Variants in XRCC1 observed in about 807,000 individuals in gnomAD.
XRCC1 encodes X-ray repair cross complementing 1, also known as DNA repair protein XRCC1.
XRCC1 carries 52 observed loss-of-function variants against 83.3 expected under a neutral mutation model. The ratio of observed to expected loss-of-function variants is 0.62; its 90% CI spans 0.50 to 0.79. The LOEUF is 0.79. Ranked by LOEUF, XRCC1 falls within the 30% of genes least tolerant of loss-of-function variation. XRCC1 has a pLI of 0.00. For synonymous variants in XRCC1, 281 were observed against 312.6 expected, an observed-to-expected ratio of 0.90 and a Z score of 1.07; for missense variants, 793 against 823.5, an observed-to-expected ratio of 0.96 and a Z score of 0.45.
intron 10 of XRCC1, among the ~76,000 whole-genome samples, chr19:43,548,098 G>A (rs1219863440): frequency 2.1e-5 from 3 of 142,432 alleles, no homozygotes; most frequent in East Asian, 2.1e-4. Flanking sequence ...CGCCCCATCC[G>A]GGAGGGAGGT....
At chr19:43,549,849 TTTG>T (rs1473888639) in intron 10 of XRCC1, among the ~76,000 whole-genome samples, 3 of 152,190 alleles carry the variant, frequency 2.0e-5, no homozygotes, top group Admixed American at 6.5e-5. Flanking sequence ...GTGAATTCTT[TTTG>T]TTAAGACCAG....
intron 2 of XRCC1, among the ~76,000 whole-genome samples, chr19:43,561,773 G>A (rs929390890): frequency 2.6e-5 from 4 of 152,206 alleles, no homozygotes; most frequent in East Asian, 1.9e-4. Context: ...CGGGCCATGC[G>A]GGCACGGGAG....
In XRCC1 at chr19:43,553,631, T is replaced by A. The variant is rs1303525307; in HGVS notation, c.467A>T (p.Asp156Val). Reference sequence around the variant, plus strand: ...TACCTGGGACGGGGCCTCTGCCTCATCTTTGTCTGGGGGGCTATGAAACCG... The same window carrying A: ...TACCTGGGACGGGGCCTCTGCCTCAACTTTGTCTGGGGGGCTATGAAACCG... ...FVRFHSPPDK[D>V]EAEAPSQKVT... Residue 156 changes from aspartate to valine, a missense_variant, in exon 5 of 17, where the codon GAT becomes GTT. Physicochemically the swap from Asp to Val is radical, Grantham distance 152 (BLOSUM62 -3). Transcript: ENST00000262887. 1 of 1,557,704 alleles carries A rather than the reference T, an allele frequency of 6.4e-7. No homozygotes were observed. Among genetic ancestry groups the A allele is most frequent in the African/African-American group, 1.4e-5 (1 of 72,780 alleles).
At chr19:43,568,497 A>C (rs902075224) in intron 2 of XRCC1, among the ~76,000 whole-genome samples, 47 of 152,046 alleles carry the variant, frequency 3.1e-4, no homozygotes, top group Admixed American at 3.1e-3. Flanking sequence ...ATTCTGTCTC[A>C]AAGTAAGTAA....
rs1480582756 is a variant in XRCC1 at position 43,543,331 on chromosome 19, T to A, written c.*61A>T. 6 of 1,471,870 alleles carry A rather than the reference T, an allele frequency of 4.1e-6. No homozygotes were observed. The highest frequency in any genetic ancestry group is 5.6e-6 in the Non-Finnish European group (6 of 1,071,508). 91.2% of individuals were successfully genotyped at this position (1,471,870 alleles called of 1,614,324 possible). A position where few individuals can be genotyped will look rare whatever the true frequency, so the allele number is the denominator to read the frequency against. On this transcript the variant is annotated 3_prime_UTR_variant, in exon 17 of 17. Transcript: ENST00000262887. Reference sequence around the variant, plus strand: ...TTGGATGAGAACCAACTCATCTTTATTAAATGCATCGTGTGTGTGTGTGTG... The same window carrying A: ...TTGGATGAGAACCAACTCATCTTTAATAAATGCATCGTGTGTGTGTGTGTG...
chr19:43,558,678 A>G (rs1172579528), intron 3 of XRCC1, among the ~76,000 whole-genome samples: 2 of 151,866 alleles, frequency 1.3e-5, no homozygotes, highest in East Asian at 3.9e-4. Context: ...ATAAATAAAT[A>G]ATATGGTTAA....
chr19:43,546,806 T>A (rs749928006), intron 11 of XRCC1, 78 bp downstream of exon 11: 2 of 1,592,736 alleles, frequency 1.3e-6, no homozygotes, highest in African/African-American at 2.7e-5. Context: ...GAGGCAAGAG[T>A]GGGAAGTTTG....
chr19:43,575,189 G>A (rs1049149860), intron 1 of XRCC1, among the ~76,000 whole-genome samples, 187 bp from the exon 2 acceptor site: 1 of 152,100 alleles, frequency 6.6e-6, no homozygotes, highest in African/African-American at 2.4e-5. Context: ...TCACCTATGG[G>A]CTCTCCAAGA....
At chr19:43,546,237 G>A in intron 12 of XRCC1, 131 bp from the exon 13 acceptor site, 8 of 1,009,396 alleles carry the variant, frequency 7.9e-6, no homozygotes, top group Non-Finnish European at 7.5e-6. Context: ...AGTCGTCTGG[G>A]CCCCCAGCCC....
chr19:43,552,885 C>T lies in XRCC1; in HGVS notation c.735G>A (p.Lys245=). Residue 245 remains lysine (K), a synonymous_variant, in exon 8 of 17, where the codon AAG becomes AAA. Transcript: ENST00000262887. Reference sequence around the variant, plus strand: ...CTTCTTGGTTCAAATCCAACTTCCTCTTCCCTTTGGGAGACTCCTGGGGCT... The same window carrying T: ...CTTCTTGGTTCAAATCCAACTTCCTTTTCCCTTTGGGAGACTCCTGGGGCT... ...TSKPQESPKG[K]RKLDLNQEEK... 2 of 1,613,608 alleles carry T rather than the reference C, an allele frequency of 1.2e-6. No homozygotes were observed. Among genetic ancestry groups the T allele is most frequent in the Non-Finnish European group, 1.7e-6 (2 of 1,179,810 alleles).
intron 2 of XRCC1, among the ~76,000 whole-genome samples, chr19:43,562,825 G>A (rs573112785): frequency 3.3e-5 from 5 of 152,316 alleles, no homozygotes; most frequent in East Asian, 1.9e-4. Flanking sequence ...GCCAACATCC[G>A]AGTGCACTGA....
At chr19:43,568,520 GTAAA>G (rs957517625) in intron 2 of XRCC1, among the ~76,000 whole-genome samples, 6 of 151,014 alleles carry the variant, frequency 4.0e-5, no homozygotes, top group East Asian at 2.0e-4. Context: ...AAGTAAGTAA[GTAAA>G]TAAATAAATA....
intron 2 of XRCC1, among the ~76,000 whole-genome samples, chr19:43,566,960 G>A (rs1410148203): frequency 6.7e-6 from 1 of 150,074 alleles, no homozygotes; most frequent in African/African-American, 2.4e-5. Flanking sequence ...GATAAACATT[G>A]TACAGTATAT....
rs539418019 is a variant in XRCC1 at position 43,557,275 on chromosome 19, C to T, written c.256-2471G>A. Among the ~76,000 whole-genome samples, 33 of 138,488 alleles carry T rather than the reference C, an allele frequency of 2.4e-4. No individual in the cohort carries two copies. The South Asian group carries it at 6.1e-3, about 26-fold the overall frequency. 90.9% of individuals were successfully genotyped at this position (138,488 alleles called of 152,430 possible). A position where few individuals can be genotyped will look rare whatever the true frequency, so the allele number is the denominator to read the frequency against. ...AGTGAGCCAAGATTGCGCCACTGCA[C>T]TCCAGCCTGGCAATAGAGCGAGACT... On this transcript the variant is annotated intron_variant, in intron 3 of 16. Transcript: ENST00000262887.
rs149187925 is a variant in XRCC1, at chr19:43,553,615, C to G, written c.483G>C (p.Pro161=). 3 of 1,587,138 alleles carry G rather than the reference C, an allele frequency of 1.9e-6. No homozygotes were observed. In the East Asian group the frequency reaches 6.8e-5, roughly 36 times the overall value. The stretch of plus-strand genomic sequence containing the variant: ...AGTGACAGGTACAGCTTACCTGGGA[C>G]GGGGCCTCTGCCTCATCTTTGTCTG... ...SPPDKDEAEA[P]SQKVTVTKLG... is the part of the protein sequence containing the mutation. Residue 161 remains proline (P), a synonymous_variant, in exon 5 of 17, where the codon CCG becomes CCC. Coordinates refer to ENST00000262887, the MANE Select transcript of XRCC1 (RefSeq NM_006297.3).
In XRCC1 at chr19:43,553,025, G is replaced by A. The variant is rs773088616; in HGVS notation, c.668C>T (p.Ser223Phe). 4.4e-6 allele frequency: 7 copies of A among 1,601,638 alleles called. No homozygotes were observed. The Admixed American group carries it at 8.7e-5, about 20-fold the overall frequency. The part of the protein sequence containing the change: ...AATLQASSAA[S>F]SASPVSRAIG... ...GGCCCTGGAGACTGGAGAGGCTGAG[G>A]AGGCAGCACTAGAAGCCTGGAGGGT... The change falls in exon 7 of 17, where the codon TCC becomes TTC. Residue 223 changes from serine to phenylalanine, a missense_variant. Transcript: ENST00000262887.
At chr19:43,559,286 A>C (rs1446216251) in intron 3 of XRCC1, among the ~76,000 whole-genome samples, 1 of 151,840 alleles carries the variant, frequency 6.6e-6, no homozygotes, top group Non-Finnish European at 1.5e-5. Context: ...GATCGAGACC[A>C]TCCTGGCTAA....
chr19:43,575,075 C>G, intron 1 of XRCC1, 73 bp from the exon 2 acceptor site: 1 of 1,273,360 alleles, frequency 7.9e-7, no homozygotes, highest in Non-Finnish European at 1.1e-6. Flanking sequence ...CAGATGATTC[C>G]TTTGAGTCCT....
chr19:43,568,667 G>A (rs779035504), intron 2 of XRCC1, among the ~76,000 whole-genome samples: 1 of 151,120 alleles, frequency 6.6e-6, no homozygotes, highest in Admixed American at 6.9e-5. Context: ...ATATATGCTT[G>A]TATGTGTACA....
Sources: gnomAD v4.1 joint callset for allele counts (sites outside exome capture counted in the v4.1 genomes callset) on GRCh38, gnomAD v4.1.1 for gene constraint, MANE v1.5 for transcripts, NCBI Gene and HGNC (gene_info 2026-07-23, HGNC 2026-07-21) for gene names.